Variants in MRPL48 observed in about 807,000 individuals in gnomAD.
MRPL48 encodes the protein mitochondrial ribosomal protein L48.
In MRPL48, 16 loss-of-function variants were observed where a neutral mutation model predicts 32.9. That is an observed-to-expected ratio of 0.49 (90% CI 0.33 to 0.74). The LOEUF is 0.74. Among genes scored for constraint, MRPL48 ranks in the 30% least tolerant of loss-of-function variants. MRPL48 has a pLI of 0.02. For synonymous variants in MRPL48, 94 were observed against 89.2 expected, an observed-to-expected ratio of 1.05 and a Z score of -0.31; for missense variants, 206 against 245.3, an observed-to-expected ratio of 0.84 and a Z score of 1.07.
chr11:73,849,440 A>C (rs1353237353), intron 5 of MRPL48, among the ~76,000 whole-genome samples: 1 of 152,202 alleles, frequency 6.6e-6, no homozygotes, highest in Non-Finnish European at 1.5e-5. Flanking sequence ...CCCCGTGGCA[A>C]CTTTTTATCT....
chr11:73,829,984 A>T (rs917196596), intron 4 of MRPL48, among the ~76,000 whole-genome samples: 4 of 151,602 alleles, frequency 2.6e-5, no homozygotes, highest in African/African-American at 9.7e-5. Flanking sequence ...CTGGTCTCAA[A>T]CTCCAGGACT....
At chr11:73,830,055 C>T (rs940414339) in intron 4 of MRPL48, among the ~76,000 whole-genome samples, 1 of 152,178 alleles carries the variant, frequency 6.6e-6, no homozygotes, top group South Asian at 2.1e-4. Flanking sequence ...AGCCACCGTA[C>T]CTGGCCTTAA....
chr11:73,850,243 A>AT (rs199877447), intron 5 of MRPL48, among the ~76,000 whole-genome samples: 22 of 145,988 alleles, frequency 1.5e-4, no homozygotes, highest in Middle Eastern at 7.3e-3. Flanking sequence ...AATAACAAAA[A>AT]TTTTTTTTTT....
At chr11:73,790,753 C>G (rs1947135907) in intron 1 of MRPL48, among the ~76,000 whole-genome samples, 1 of 151,796 alleles carries the variant, frequency 6.6e-6, no homozygotes, top group Non-Finnish European at 1.5e-5. Flanking sequence ...TCTCGAACTC[C>G]TGGCTTCAAG....
At chr11:73,792,281 T>C (rs1590924745) in intron 1 of MRPL48, among the ~76,000 whole-genome samples, 2 of 152,284 alleles carry the variant, frequency 1.3e-5, no homozygotes, top group East Asian at 1.9e-4. Context: ...CCTGCAGTTA[T>C]TTTGCACAGA....
chr11:73,815,926 A>G (rs1947660407), intron 3 of MRPL48, among the ~76,000 whole-genome samples: 1 of 150,836 alleles, frequency 6.6e-6, no homozygotes. Flanking sequence ...GGGTCTCCCT[A>G]CGTTGCCCAG....
intron 1 of MRPL48, among the ~76,000 whole-genome samples, chr11:73,798,559 G>A (rs1388786114): frequency 1.3e-5 from 2 of 152,156 alleles, no homozygotes; most frequent in Non-Finnish European, 2.9e-5. Flanking sequence ...ACAGGGAGAT[G>A]GGTTTGGGCT....
chr11:73,826,668 G>T (rs1246125770), intron 4 of MRPL48, among the ~76,000 whole-genome samples: 2 of 151,958 alleles, frequency 1.3e-5, no homozygotes, highest in Non-Finnish European at 2.9e-5. Flanking sequence ...TAGTAGAGGT[G>T]GGGTTTTACC....
chr11:73,854,070 G>T (rs1419734906), intron 5 of MRPL48, among the ~76,000 whole-genome samples: 1 of 152,164 alleles, frequency 6.6e-6, no homozygotes, highest in East Asian at 1.9e-4. Context: ...CAGTGGGTCA[G>T]TCAGTTCCTT....
chr11:73,810,184 A>G (rs934044129), intron 3 of MRPL48, among the ~76,000 whole-genome samples: 2 of 152,326 alleles, frequency 1.3e-5, no homozygotes, highest in East Asian at 3.9e-4. Flanking sequence ...ATCAGACATC[A>G]TGATACTTTA....
rs575940323 is a variant in MRPL48 at position 73,809,159 on chromosome 11, A to G, written c.112+809A>G. ...TCTTAAATTAAAAAAATTTAAAAAA[A>G]AGAGGATAATTGTAATACAAACTGT... On this transcript the variant is annotated intron_variant, in intron 3 of 7. Transcript: ENST00000310614. 3.3e-5 allele frequency among the ~76,000 whole-genome samples: 5 copies of G among 152,110 alleles called. No individual in the cohort carries two copies. In the East Asian group the frequency reaches 9.7e-4, roughly 30 times the overall value.
chr11:73,836,532 G>T (rs1175850665), intron 4 of MRPL48, among the ~76,000 whole-genome samples: 1 of 152,052 alleles, frequency 6.6e-6, no homozygotes, highest in African/African-American at 2.4e-5. Context: ...ACCAGGTGCT[G>T]TAAGTACTAT....
intron 3 of MRPL48, among the ~76,000 whole-genome samples, chr11:73,823,781 C>T (rs1947830327): frequency 6.6e-6 from 1 of 151,458 alleles, no homozygotes; most frequent in African/African-American, 2.4e-5. Context: ...CCTCAGCCTC[C>T]TGAGTAGCTG....
At chr11:73,799,560 C>A (rs1289482915) in intron 1 of MRPL48, among the ~76,000 whole-genome samples, 1 of 152,014 alleles carries the variant, frequency 6.6e-6, no homozygotes, top group Non-Finnish European at 1.5e-5. Context: ...GCTTTGATTT[C>A]CTCACTATAA....
intron 3 of MRPL48, among the ~76,000 whole-genome samples, chr11:73,823,378 A>G (rs536821128): frequency 6.6e-6 from 1 of 152,308 alleles, no homozygotes; most frequent in South Asian, 2.1e-4. Context: ...TTGATGCCAT[A>G]TACACATACA....
intron 4 of MRPL48, among the ~76,000 whole-genome samples, chr11:73,838,894 C>T (rs189665966): frequency 6.6e-6 from 1 of 152,248 alleles, no homozygotes; most frequent in African/African-American, 2.4e-5. Context: ...TCTGTTTGGG[C>T]TTCATATTCT....
chr11:73,846,370 G>A (rs1360805131), intron 5 of MRPL48, among the ~76,000 whole-genome samples: 1 of 151,950 alleles, frequency 6.6e-6, no homozygotes, highest in Non-Finnish European at 1.5e-5. Context: ...CCATGCTGGA[G>A]TGCAGTGGTG....
intron 5 of MRPL48, chr11:73,850,867 G>T (rs543407556): frequency 4.2e-6 from 1 of 236,528 alleles, no homozygotes; most frequent in Non-Finnish European, 8.4e-6. Context: ...TGGTAGAGAC[G>T]GGGTTTCACC....
In MRPL48 at chr11:73,793,647, T is replaced by C. The variant is rs954578682; in HGVS notation, c.21+5655T>C. ...GTTCCAGAGGAACTCCTAGAGGAAG[T>C]TGGGAGGGAGAGAAGCACTGGGGTG... On this transcript the variant is annotated intron_variant, in intron 1 of 7. Coordinates refer to ENST00000310614, the MANE Select transcript of MRPL48 (RefSeq NM_016055.6). Among the ~76,000 whole-genome samples, 14 of 151,786 alleles carry C rather than the reference T, an allele frequency of 9.2e-5. 1 individual carries two copies. Among genetic ancestry groups the C allele is most frequent in the African/African-American group, 3.1e-4 (13 of 41,322 alleles).
Sources: gnomAD v4.1 joint callset for allele counts (sites outside exome capture counted in the v4.1 genomes callset) on GRCh38, gnomAD v4.1.1 for gene constraint, MANE v1.5 for transcripts, NCBI Gene and HGNC (gene_info 2026-07-23, HGNC 2026-07-21) for gene names.